Variants in DNAH14 observed in about 807,000 individuals in gnomAD.
DNAH14 encodes dynein axonemal heavy chain 14.
DNAH14 carries 478 observed loss-of-function variants against 520.9 expected under a neutral mutation model. The observed-to-expected ratio is 0.92, with a 90% CI of 0.85 to 0.99. DNAH14 has a LOEUF of 0.99. Among genes scored for constraint, DNAH14 ranks in the 50% least tolerant of loss-of-function variants. The pLI, the probability that DNAH14 is intolerant of heterozygous loss-of-function variation, is 0.00. For missense variants in DNAH14, 4,831 were observed against 5,234.5 expected, an observed-to-expected ratio of 0.92 and a Z score of 2.38; for synonymous variants, 1,581 against 1,757.2, an observed-to-expected ratio of 0.90 and a Z score of 2.51.
chr1:225,272,907 A>G (rs552163309), intron 51 of DNAH14, 48 bp from the exon 52 acceptor site: 11 of 1,474,904 alleles, frequency 7.5e-6, no homozygotes, highest in South Asian at 2.8e-5. Flanking sequence ...TTCACATACT[A>G]CCCTGCTAAT....
rs1252104526 is a variant in DNAH14 at position 225,038,756 on chromosome 1, A to G, written c.1421A>G (p.Asp474Gly). Residue 474 changes from aspartate to glycine, a missense_variant, in exon 12 of 86, where the codon GAT becomes GGT. Transcript: ENST00000682510. ...KTTNDCEELV[D>G]NSKLHAISVQ... is the part of the protein sequence containing the mutation. ...ACAAATGATTGTGAAGAACTTGTTGATAATTCAAAGTTACATGCTATTTCT... is the reference window on the plus strand; with the variant it reads ...ACAAATGATTGTGAAGAACTTGTTGGTAATTCAAAGTTACATGCTATTTCT... 3.3e-6 allele frequency: 5 copies of G among 1,537,736 alleles called. No individual in the cohort carries two copies. The highest frequency in any genetic ancestry group is 4.4e-6 in the Non-Finnish European group (5 of 1,142,198).
Position 225,335,705 on chromosome 1 carries a change from A to C in DNAH14, c.10081-1561A>C, listed in dbSNP as rs1180461519. On this transcript the variant is annotated intron_variant, in intron 66 of 85. Transcript: ENST00000682510. ...TATACGCATATATACATATGTGCAT[A>C]TATGTATATACGCATATATACATAT... Among the ~76,000 whole-genome samples, 6 of 89,982 alleles carry C rather than the reference A, an allele frequency of 6.7e-5. 1 individual carries two copies. The highest frequency in any genetic ancestry group is 2.5e-4 in the African/African-American group (5 of 19,900). The allele number at this position is 89,982 out of a possible 152,430, so 59.0% of individuals were successfully genotyped here. A position where few individuals can be genotyped will look rare whatever the true frequency, so the allele number is the denominator to read the frequency against.
At chr1:225,335,883 A>G (rs1251285067) in intron 66 of DNAH14, among the ~76,000 whole-genome samples, 1 of 33,490 alleles carries the variant, frequency 3.0e-5, no homozygotes, top group Non-Finnish European at 5.6e-5. Flanking sequence ...ATATACATAT[A>G]TGTACATATA....
In DNAH14 at chr1:225,100,855, C is replaced by A. The variant is rs776011283; in HGVS notation, c.3838C>A (p.His1280Asn). 10 of 1,514,000 alleles carry A rather than the reference C, an allele frequency of 6.6e-6. No homozygotes were observed. The highest frequency in any genetic ancestry group is 8.8e-6 in the Non-Finnish European group (10 of 1,136,694). 93.8% of individuals were successfully genotyped at this position (1,514,000 alleles called of 1,614,324 possible). Residue 1280 changes from histidine (H) to asparagine (N), a missense_variant, in exon 23 of 86, where the codon CAT (histidine) becomes AAT (asparagine). Physicochemically the swap from His to Asn is moderately conservative, Grantham distance 68. Transcript: ENST00000682510. ...TGAAATTCTGCAAAATTGTAATATACATCTTGAACATATAAAGAAAAGCCT... is the reference window on the plus strand; with the variant it reads ...TGAAATTCTGCAAAATTGTAATATAAATCTTGAACATATAAAGAAAAGCCT... ...VLEILQNCNI[H>N]LEHIKKSLED...
At chr1:225,275,735 A>T (rs1393798391) in intron 52 of DNAH14, among the ~76,000 whole-genome samples, 179 bp from the exon 53 acceptor site, 1 of 152,182 alleles carries the variant, frequency 6.6e-6, no homozygotes, top group Non-Finnish European at 1.5e-5. Context: ...GAAAGAGTCC[A>T]CAGGCTTTCT....
At position 225,117,988 on chromosome 1, in the gene DNAH14, C is replaced by T. The variant is rs774444012; in HGVS notation, c.4080C>T (p.Leu1360=). 8.7e-5 allele frequency: 134 copies of T among 1,545,814 alleles called. No homozygotes were observed. In the East Asian group the frequency reaches 1.2e-3, roughly 14 times the overall value. The part of the protein sequence containing the change: ...KMLISAEGEG[L]VLPKKIRVRS... ...TAATATCTGCTGAAGGGGAAGGTCTCGTGCTGCCAAAGTATGATAAATGTT... is the reference window on the plus strand; with the variant it reads ...TAATATCTGCTGAAGGGGAAGGTCTTGTGCTGCCAAAGTATGATAAATGTT... The change falls in exon 25 of 86, where the codon CTC becomes CTT. Residue 1360 remains leucine (L), a synonymous_variant. Coordinates refer to ENST00000682510, the MANE Select transcript of DNAH14 (RefSeq NM_001367479.1).
chr1:225,165,043 C>A (rs1293589604), intron 35 of DNAH14, among the ~76,000 whole-genome samples: 1 of 151,988 alleles, frequency 6.6e-6, no homozygotes, highest in Non-Finnish European at 1.5e-5. Flanking sequence ...TTTTGTGTAG[C>A]AAACCTTCTG....
intron 1 of DNAH14, among the ~76,000 whole-genome samples, chr1:224,945,126 A>G (rs1344455366): frequency 6.6e-6 from 1 of 152,200 alleles, no homozygotes; most frequent in Non-Finnish European, 1.5e-5. Context: ...ATTTTCAGGT[A>G]CACCAATCAG....
intron 1 of DNAH14, among the ~76,000 whole-genome samples, chr1:224,943,456 T>C (rs1010202974): frequency 2.0e-5 from 3 of 152,178 alleles, no homozygotes; most frequent in East Asian, 3.9e-4. Flanking sequence ...CTCCTGGATT[T>C]ATTGATTTTT....
intron 9 of DNAH14, among the ~76,000 whole-genome samples, chr1:225,006,508 C>T (rs2064181446): frequency 6.6e-6 from 1 of 151,506 alleles, no homozygotes; most frequent in Admixed American, 6.6e-5. Flanking sequence ...GGGAAGGTCT[C>T]TAAAATGGCC....
intron 49 of DNAH14, among the ~76,000 whole-genome samples, chr1:225,270,514 C>A (rs867567179): frequency 6.6e-6 from 1 of 151,978 alleles, no homozygotes; most frequent in African/African-American, 2.4e-5. Flanking sequence ...ATTTAGAAAG[C>A]CTTCAAGAAA....
intron 71 of DNAH14, among the ~76,000 whole-genome samples, chr1:225,350,128 G>C (rs115170274): frequency 1.4e-3 from 219 of 152,074 alleles, no homozygotes; most frequent in African/African-American, 5.1e-3. Flanking sequence ...GAAATCAACA[G>C]AATGAAAACT....
chr1:224,935,674 AAAAG>A, intron 1 of DNAH14, among the ~76,000 whole-genome samples: 1 of 151,844 alleles, frequency 6.6e-6, no homozygotes, highest in East Asian at 1.9e-4. Flanking sequence ...AGAAAATCAA[AAAAG>A]AAACATTAGA....
chr1:225,074,817 C>T (rs948610001), intron 17 of DNAH14, among the ~76,000 whole-genome samples: 3 of 152,220 alleles, frequency 2.0e-5, no homozygotes, highest in Non-Finnish European at 4.4e-5. Context: ...GCCTGCCCCT[C>T]CTTCCAAGAG....
rs368520344 is a variant in DNAH14, at chr1:225,216,945, G to T, written c.6439+9725G>T. On this transcript the variant is annotated intron_variant, in intron 41 of 85. Transcript: ENST00000682510. Reference sequence around the variant, plus strand: ...CATCCAGCTTTGTTCCGTTGCTGTAGAGGAGCTTCATTCCTTTGGAGGAGA... The same window carrying T: ...CATCCAGCTTTGTTCCGTTGCTGTATAGGAGCTTCATTCCTTTGGAGGAGA... Among the ~76,000 whole-genome samples the T allele has an allele frequency of 2.0e-5, 3 of 152,204 alleles. No homozygotes were observed. The East Asian group carries it at 5.8e-4, about 29-fold the overall frequency.
intron 42 of DNAH14, among the ~76,000 whole-genome samples, chr1:225,234,585 G>A (rs2091424617): frequency 6.6e-6 from 1 of 152,158 alleles, no homozygotes. Context: ...TGTGAAGAAT[G>A]TCGATGGTAG....
At chr1:225,251,613 C>T (rs1227569648) in intron 43 of DNAH14, among the ~76,000 whole-genome samples, 1 of 151,978 alleles carries the variant, frequency 6.6e-6, no homozygotes, top group Non-Finnish European at 1.5e-5. Context: ...GAAGAACTTA[C>T]CATTAAGAGA....
In DNAH14 at chr1:225,168,048, T is replaced by G. The variant is rs2082204804; in HGVS notation, c.5535+20T>G. ...CTTCAGGTAAGTATAAAATGGCATG[T>G]TAGCAATCCTTTGCCTGTATTTCAA... On this transcript the variant is annotated intron_variant, in intron 36 of 85. Transcript: ENST00000682510. The G allele has an allele frequency of 4.6e-6, 6 of 1,311,658 alleles. No homozygotes were observed. The highest frequency in any genetic ancestry group is 6.4e-6 in the Non-Finnish European group (6 of 944,324). 81.3% of individuals were successfully genotyped at this position (1,311,658 alleles called of 1,614,324 possible).
intron 23 of DNAH14, among the ~76,000 whole-genome samples, chr1:225,104,174 T>C (rs1016985961): frequency 6.6e-6 from 1 of 152,212 alleles, no homozygotes; most frequent in African/African-American, 2.4e-5. Context: ...TCTGTTTATA[T>C]GCTGGATTAT....
Sources: allele counts gnomAD v4.1 joint callset (sites outside exome capture counted in the v4.1 genomes callset), GRCh38; gene constraint gnomAD v4.1.1; transcripts MANE v1.5; gene names NCBI Gene and HGNC (gene_info 2026-07-23, HGNC 2026-07-21).